The following ATP10B variants were observed in gnomAD, a reference collection of about 807,000 sequenced individuals.
ATP10B encodes phospholipid-transporting ATPase VB.
ATP10B carries 122 observed loss-of-function variants against 141.2 expected under a neutral mutation model. The ratio of observed to expected loss-of-function variants is 0.86; its 90% CI spans 0.75 to 1.00. ATP10B has a LOEUF of 1.00. Among genes scored for constraint, ATP10B ranks in the 50% least tolerant of loss-of-function variants. The pLI is 0.00. For synonymous variants in ATP10B, 685 were observed against 692.0 expected, an observed-to-expected ratio of 0.99 and a Z score of 0.16; for missense variants, 1,876 against 1,825.3, an observed-to-expected ratio of 1.03 and a Z score of -0.51.
chr5:160,696,034 A>G (rs1764338791), intron 3 of ATP10B, among the ~76,000 whole-genome samples: 2 of 152,136 alleles, frequency 1.3e-5, no homozygotes, highest in Non-Finnish European at 2.9e-5. Flanking sequence ...CATCTTCTCA[A>G]TTTTTACCAC....
intron 22 of ATP10B, among the ~76,000 whole-genome samples, chr5:160,592,747 G>A (rs113969238): frequency 7.9e-5 from 12 of 152,254 alleles, no homozygotes; most frequent in South Asian, 4.1e-4. Context: ...AAAAAATGGC[G>A]CACCAGGAGA....
chr5:160,602,674 G>A lies in ATP10B; in HGVS notation c.3266C>T (p.Thr1089Ile), dbSNP rs1757161434. The A allele has an allele frequency of 5.6e-6, 9 of 1,614,076 alleles. No individual in the cohort carries two copies. The highest frequency in any genetic ancestry group is 7.6e-6 in the Non-Finnish European group (9 of 1,179,926). The stretch of plus-strand genomic sequence containing the variant: ...CAACTTCTTGAGATGCTTAAAGCGG[G>A]TGATGGCAAAGTCGCTGGACATGAC... ...QAVMSSDFAI[T>I]RFKHLKKLLL... Residue 1089 changes from threonine (T) to isoleucine (I), a missense_variant, in exon 21 of 26, where the codon ACC (threonine) becomes ATC (isoleucine). Coordinates refer to ENST00000327245, the MANE Select transcript of ATP10B (RefSeq NM_025153.3).
intron 1 of ATP10B, among the ~76,000 whole-genome samples, chr5:160,787,385 C>A (rs1048631236): frequency 6.6e-6 from 1 of 152,116 alleles, no homozygotes; most frequent in Non-Finnish European, 1.5e-5. Flanking sequence ...GTGTTTTCAA[C>A]CCCTGCCCTA....
At chr5:160,782,793 T>TAC (rs77615170) in intron 2 of ATP10B, among the ~76,000 whole-genome samples, 1 of 149,240 alleles carries the variant, frequency 6.7e-6, no homozygotes, top group Non-Finnish European at 1.5e-5. Context: ...GACATGTACA[T>TAC]ACACACACAC....
the ATP10B span, among the ~76,000 whole-genome samples, chr5:160,903,806 G>C: frequency 6.6e-6 from 1 of 152,176 alleles, no homozygotes; most frequent in African/African-American, 2.4e-5. Flanking sequence ...GAGGAGGTTA[G>C]GTGTGCAGAG....
intron 22 of ATP10B, among the ~76,000 whole-genome samples, chr5:160,593,447 A>T (rs1756462601): frequency 6.6e-6 from 1 of 152,240 alleles, no homozygotes. Flanking sequence ...CCAAAAGTAG[A>T]TAAAACCACA....
At chr5:160,763,486 T>A (rs1461230830) in intron 2 of ATP10B, among the ~76,000 whole-genome samples, 9 of 152,070 alleles carry the variant, frequency 5.9e-5, no homozygotes, top group African/African-American at 2.2e-4. Flanking sequence ...GAAATTAAGA[T>A]GGAAATTAAA....
the ATP10B span, among the ~76,000 whole-genome samples, chr5:160,895,584 CCA>C: frequency 1.3e-5 from 2 of 152,078 alleles, no homozygotes; most frequent in Non-Finnish European, 2.9e-5. Context: ...ACTTAGACTC[CCA>C]CACAATAATA....
At chr5:160,653,943 A>T (rs1441868936) in intron 7 of ATP10B, among the ~76,000 whole-genome samples, 24 of 124,474 alleles carry the variant, frequency 1.9e-4, no homozygotes, top group African/African-American at 7.0e-4. Flanking sequence ...ATACGTATAT[A>T]CATATATAAA....
chr5:160,895,146 C>G, the ATP10B span, among the ~76,000 whole-genome samples: 1 of 152,166 alleles, frequency 6.6e-6, no homozygotes, highest in Admixed American at 6.5e-5. Flanking sequence ...ACTGCGTCAA[C>G]TCATGGATAA....
chr5:160,705,044 A>G (rs1051539319), intron 3 of ATP10B, among the ~76,000 whole-genome samples: 2 of 148,266 alleles, frequency 1.3e-5, no homozygotes, highest in Admixed American at 1.4e-4. Flanking sequence ...TCAGCCTCCC[A>G]AGTAGCTGAG....
At chr5:160,816,706 G>T (rs1773663796) in intron 1 of ATP10B, among the ~76,000 whole-genome samples, 1 of 152,066 alleles carries the variant, frequency 6.6e-6, no homozygotes, top group African/African-American at 2.4e-5. Context: ...GAAAAAAAGA[G>T]AATTTTAGAC....
At chr5:160,715,066 T>C (rs1169875684) in intron 3 of ATP10B, among the ~76,000 whole-genome samples, 1 of 139,076 alleles carries the variant, frequency 7.2e-6, no homozygotes, top group Non-Finnish European at 1.6e-5. Flanking sequence ...TGCTGTCTTT[T>C]TGTTTGTCTG....
intron 2 of ATP10B, among the ~76,000 whole-genome samples, chr5:160,755,838 A>AATATATAT: frequency 1.7e-3 from 75 of 45,408 alleles, no homozygotes; most frequent in Admixed American, 3.7e-3. Flanking sequence ...AAAAAAAAAA[A>AATATATAT]ATATATATAT....
At chr5:160,612,663 A>G (rs987810729) in intron 18 of ATP10B, 78 bp downstream of exon 18, 83 of 1,346,014 alleles carry the variant, frequency 6.2e-5, no homozygotes, top group Non-Finnish European at 8.1e-5. Flanking sequence ...AATCCCACCT[A>G]GAAGCCTGTG....
intron 12 of ATP10B, chr5:160,634,052 C>A (rs1759145420): frequency 4.4e-6 from 2 of 451,742 alleles, no homozygotes; most frequent in Non-Finnish European, 4.1e-6. Context: ...TGTCTCCAAT[C>A]CATTGCTGAC....
At position 160,640,557 on chromosome 5, in the gene ATP10B, G is replaced by T. The variant is rs773065888; in HGVS notation, c.904C>A (p.Pro302Thr). 2.5e-6 allele frequency: 4 copies of T among 1,614,078 alleles called. No individual in the cohort carries two copies. The highest frequency in any genetic ancestry group is 3.4e-6 in the Non-Finnish European group (4 of 1,179,970). The change falls in exon 10 of 26, where the codon CCC becomes ACC. Residue 302 changes from proline to threonine, a missense_variant. Pro to Thr is a conservative substitution (Grantham distance 38, BLOSUM62 -1). Transcript: ENST00000327245. ...ETKAMLNNSG[P>T]RYKRSKIERR... Reference sequence around the variant, plus strand: ...TCAATCTTGCTGCGTTTGTACCGGGGGCCACTGTTGTTCAGCATGGCTTTC... The same window carrying T: ...TCAATCTTGCTGCGTTTGTACCGGGTGCCACTGTTGTTCAGCATGGCTTTC...
the ATP10B span, among the ~76,000 whole-genome samples, chr5:160,870,961 A>T: frequency 9.1e-5 from 2 of 22,086 alleles, no homozygotes; most frequent in African/African-American, 1.9e-4. Flanking sequence ...AACAACCTAC[A>T]ATTCTGTACT....
intron 24 of ATP10B, among the ~76,000 whole-genome samples, chr5:160,585,893 T>TA (rs1289278457): frequency 6.6e-6 from 1 of 152,236 alleles, no homozygotes; most frequent in Admixed American, 6.5e-5. Flanking sequence ...GTCCTGTACT[T>TA]AAGCCTGGCT....
Sources: allele counts gnomAD v4.1 joint callset (sites outside exome capture counted in the v4.1 genomes callset), GRCh38; gene constraint gnomAD v4.1.1; transcripts MANE v1.5; gene names NCBI Gene and HGNC (gene_info 2026-07-23, HGNC 2026-07-21).